The following SORCS2 variants were observed in gnomAD, a reference collection of about 807,000 sequenced individuals.
The protein encoded by SORCS2 is VPS10 domain-containing receptor SorCS2.
SORCS2 carries 100 observed loss-of-function variants against 141.6 expected under a neutral mutation model. That is an observed-to-expected ratio of 0.71 (90% confidence interval 0.60 to 0.83). The LOEUF (loss-of-function observed/expected upper bound fraction) is 0.83, where lower values mean the gene tolerates loss of function less well. Among genes scored for constraint, SORCS2 ranks in the 40% least tolerant of loss-of-function variants. SORCS2 has a pLI of 0.00. For synonymous variants in SORCS2, 789 were observed against 676.9 expected (o/e 1.17, Z -2.57); for missense variants, 1,646 against 1,560.2 (o/e 1.05, Z -0.93).
Position 7,347,649 on chromosome 4 carries a change from A to G in SORCS2, c.481-48639A>G, listed in dbSNP as rs146610152. ...CTCCACTCCTCCCTTCTCCCCAGAG[A>G]GGTGAGGCATGCCATTCTGATCCTG... On this transcript the variant is annotated intron_variant, in intron 1 of 26. Transcript: ENST00000507866. Among the ~76,000 whole-genome samples, 532 of 152,250 alleles carry G rather than the reference A, an allele frequency of 3.5e-3. 3 individuals carry two copies. Among genetic ancestry groups the G allele is most frequent in the African/African-American group, 0.012 (503 of 41,544 alleles).
intron 1 of SORCS2, among the ~76,000 whole-genome samples, chr4:7,355,508 A>T (rs374385383): frequency 6.6e-6 from 1 of 152,086 alleles, no homozygotes. Flanking sequence ...GATCTCCTGC[A>T]GGTGGTGACG....
chr4:7,699,441 G>C (rs1724915745), intron 12 of SORCS2, among the ~76,000 whole-genome samples: 1 of 152,188 alleles, frequency 6.6e-6, no homozygotes, highest in African/African-American at 2.4e-5. Flanking sequence ...CAGGCGTCCA[G>C]GTGTCCCAGT....
intron 2 of SORCS2, among the ~76,000 whole-genome samples, chr4:7,479,868 C>T (rs578087595): frequency 4.7e-4 from 72 of 152,378 alleles, no homozygotes; most frequent in Admixed American, 2.0e-3. Context: ...TTGGTACCCA[C>T]GTGTGCTCTG....
chr4:7,309,627 C>G (rs1357686206), intron 1 of SORCS2, among the ~76,000 whole-genome samples: 1 of 152,148 alleles, frequency 6.6e-6, no homozygotes. Flanking sequence ...TTTTTAGTGC[C>G]TCTGAAATGG....
intron 3 of SORCS2, among the ~76,000 whole-genome samples, chr4:7,629,417 G>C (rs1043258611): frequency 1.3e-5 from 2 of 152,136 alleles, no homozygotes; most frequent in African/African-American, 4.8e-5. Context: ...TGTGAAACAA[G>C]TCAGAGAGGC....
chr4:7,471,212 C>T (rs1447010290), intron 2 of SORCS2, among the ~76,000 whole-genome samples: 1 of 152,208 alleles, frequency 6.6e-6, no homozygotes, highest in Non-Finnish European at 1.5e-5. Flanking sequence ...CCTTCCCCGC[C>T]GGCCCCGCTT....
At chr4:7,689,400 C>A in intron 10 of SORCS2, 86 bp from the exon 11 acceptor site, 1 of 1,321,094 alleles carries the variant, frequency 7.6e-7, no homozygotes, top group Non-Finnish European at 1.0e-6. Context: ...CAAAAAGCCA[C>A]AGGGGCAGAT....
chr4:7,318,032 T>C (rs1412182944), intron 1 of SORCS2, among the ~76,000 whole-genome samples: 1 of 152,186 alleles, frequency 6.6e-6, no homozygotes, highest in East Asian at 1.9e-4. Flanking sequence ...CTGTTTGATG[T>C]GAAGGACGCA....
chr4:7,392,223 C>T (rs1159482559), intron 1 of SORCS2, among the ~76,000 whole-genome samples: 2 of 152,230 alleles, frequency 1.3e-5, no homozygotes, highest in African/African-American at 4.8e-5. Context: ...TCCCAGGGTT[C>T]TGGAGCCCGT....
At position 7,740,537 on chromosome 4, in the gene SORCS2, G is replaced by A. The variant is rs1203178310; in HGVS notation, c.*273G>A. On this transcript the variant is annotated 3_prime_UTR_variant, in exon 27 of 27. Transcript: ENST00000507866. ...GTTCTGCCCCCCAGACCCCACACAC[G>A]GCCGCCCCACGTGCTGTCGCTCAGC... 33 of 511,326 alleles carry A rather than the reference G, an allele frequency of 6.5e-5. No individual in the cohort carries two copies. Among genetic ancestry groups the A allele is most frequent in the South Asian group, 1.8e-4 (8 of 43,266 alleles). 31.7% of individuals were successfully genotyped at this position (511,326 alleles called of 1,614,324 possible).
chr4:7,413,276 GATAA>G (rs1264578154), intron 2 of SORCS2, among the ~76,000 whole-genome samples: 8 of 151,438 alleles, frequency 5.3e-5, no homozygotes, highest in Non-Finnish European at 7.4e-5. Context: ...TCATATTTGA[GATAA>G]ATATTCTCAC....
At position 7,428,692 on chromosome 4, in the gene SORCS2, G is replaced by A. The variant is rs929652674; in HGVS notation, c.548+32337G>A. Among the ~76,000 whole-genome samples, 8 of 152,298 alleles carry A rather than the reference G, an allele frequency of 5.3e-5. No homozygotes were observed. In the South Asian group the frequency reaches 6.2e-4, roughly 12 times the overall value. ...CCTGGGGTGTGTGCAAGGCCAGGCCGGGGTGGCTGGAGAGGAAAGAACAAG... is the reference window on the plus strand; with the variant it reads ...CCTGGGGTGTGTGCAAGGCCAGGCCAGGGTGGCTGGAGAGGAAAGAACAAG... On this transcript the variant is annotated intron_variant, in intron 2 of 26. Transcript: ENST00000507866.
intron 1 of SORCS2, among the ~76,000 whole-genome samples, chr4:7,194,434 G>A (rs1028181840): frequency 6.6e-6 from 1 of 152,188 alleles, no homozygotes; most frequent in African/African-American, 2.4e-5. Context: ...GTTGGGGCAG[G>A]GGTAGGGGCA....
rs752711975 is a variant in SORCS2 at position 7,712,775 on chromosome 4, C to G, written c.1911C>G (p.Val637=). The G allele has an allele frequency of 1.7e-5, 28 of 1,613,908 alleles. No individual in the cohort carries two copies. Among genetic ancestry groups the G allele is most frequent in the Non-Finnish European group, 2.4e-5 (28 of 1,179,810 alleles). ...GCTTCCGCTCCGATTGGGAGCTGGT[C>G]AAGGTGGACTTCCGGCCCTCATTCT... is the stretch of plus-strand genomic sequence containing the variant. The part of the protein sequence containing the change: ...HISFRSDWEL[V]KVDFRPSFSR... Residue 637 remains valine, a synonymous_variant, in exon 15 of 27, where the codon GTC becomes GTG. Coordinates refer to ENST00000507866, the MANE Select transcript of SORCS2 (RefSeq NM_020777.3).
At chr4:7,434,145 C>CT (rs1560281702) in intron 2 of SORCS2, 2 of 1,613,762 alleles carry the variant, frequency 1.2e-6, no homozygotes, top group Non-Finnish European at 8.5e-7. Flanking sequence ...TGCAGAGCTC[C>CT]TGCGGGGGGA....
At chr4:7,635,261 A>G (rs541640119) in intron 3 of SORCS2, among the ~76,000 whole-genome samples, 1 of 152,292 alleles carries the variant, frequency 6.6e-6, no homozygotes, top group Non-Finnish European at 1.5e-5. Context: ...TCTGGAGTCA[A>G]ACACTCGGCT....
At chr4:7,416,400 G>A (rs1179510946) in intron 2 of SORCS2, among the ~76,000 whole-genome samples, 4 of 152,154 alleles carry the variant, frequency 2.6e-5, no homozygotes, top group African/African-American at 9.7e-5. Flanking sequence ...TGTTCCTGGA[G>A]GGGCTGAGTC....
chr4:7,732,221 A>C (rs543601182), intron 23 of SORCS2, among the ~76,000 whole-genome samples: 2 of 152,340 alleles, frequency 1.3e-5, no homozygotes, highest in African/African-American at 4.8e-5. Flanking sequence ...TCATCAGGGA[A>C]ATGCTCATTG....
intron 2 of SORCS2, chr4:7,433,479 C>A: frequency 6.3e-7 from 1 of 1,581,930 alleles, no homozygotes; most frequent in South Asian, 1.2e-5. Context: ...CGTGGCAGGC[C>A]CCCACCTTCT....
Sources: gnomAD v4.1 joint callset for allele counts (sites outside exome capture counted in the v4.1 genomes callset) on GRCh38, gnomAD v4.1.1 for gene constraint, MANE v1.5 for transcripts, NCBI Gene and HGNC (gene_info 2026-07-23, HGNC 2026-07-21) for gene names.